Variants in CNTNAP2 observed in about 807,000 individuals in gnomAD.
The protein encoded by CNTNAP2 is contactin associated protein 2, also known as contactin-associated protein-like 2.
Under a neutral mutation model 155.2 loss-of-function variants are expected in CNTNAP2, and 98 were observed. The observed-to-expected ratio is 0.63, with a 90% CI of 0.54 to 0.75. The LOEUF is 0.75. Ranked by LOEUF, CNTNAP2 falls within the 30% of genes least tolerant of loss-of-function variation. The pLI is 0.00. For missense variants in CNTNAP2, 1,727 were observed against 1,688.1 expected, an observed-to-expected ratio of 1.02 and a Z score of -0.40; for synonymous variants, 651 against 631.2, an observed-to-expected ratio of 1.03 and a Z score of -0.47.
chr7:147,874,542 G>A (rs1324615705), intron 13 of CNTNAP2, among the ~76,000 whole-genome samples: 8 of 152,276 alleles, frequency 5.3e-5, no homozygotes, highest in African/African-American at 1.9e-4. Context: ...CACACAGCAG[G>A]GGGGCCCTGG....
intron 15 of CNTNAP2, among the ~76,000 whole-genome samples, chr7:148,045,333 T>C (rs1298025994): frequency 1.3e-5 from 2 of 148,334 alleles, no homozygotes; most frequent in East Asian, 2.0e-4. Flanking sequence ...GGGTGGGTGG[T>C]GGGGGGCGTT....
intron 1 of CNTNAP2, among the ~76,000 whole-genome samples, chr7:146,619,386 AAG>A: frequency 6.6e-6 from 1 of 152,232 alleles, no homozygotes; most frequent in African/African-American, 2.4e-5. Context: ...TACTTTACTA[AAG>A]AGAGGTGGGA....
intron 3 of CNTNAP2, among the ~76,000 whole-genome samples, chr7:146,969,179 T>C (rs570934228): frequency 6.6e-6 from 1 of 152,092 alleles, no homozygotes; most frequent in Non-Finnish European, 1.5e-5. Flanking sequence ...TGAGAGACAG[T>C]TTGTTATAAT....
intron 1 of CNTNAP2, among the ~76,000 whole-genome samples, chr7:146,370,353 G>C (rs555183470): frequency 6.7e-6 from 1 of 149,554 alleles, no homozygotes; most frequent in South Asian, 2.1e-4. Context: ...CAAGAGATTC[G>C]TTTGTACCCA....
intron 21 of CNTNAP2, among the ~76,000 whole-genome samples, chr7:148,274,580 A>T (rs982499514): frequency 7.3e-5 from 11 of 151,420 alleles, no homozygotes; most frequent in African/African-American, 2.7e-4. Flanking sequence ...AGTATGTAGC[A>T]CCTCCCCCCA....
intron 9 of CNTNAP2, among the ~76,000 whole-genome samples, chr7:147,372,961 G>T (rs1191288438): frequency 6.6e-6 from 1 of 151,950 alleles, no homozygotes; most frequent in African/African-American, 2.4e-5. Flanking sequence ...TTTCTTTGCT[G>T]ACCAAGCCCC....
chr7:146,177,016 G>T (rs1001396905), intron 1 of CNTNAP2, among the ~76,000 whole-genome samples: 1 of 152,064 alleles, frequency 6.6e-6, no homozygotes, highest in Admixed American at 6.6e-5. Flanking sequence ...TGCCTGAGAG[G>T]GTTAGAGATC....
intron 15 of CNTNAP2, among the ~76,000 whole-genome samples, chr7:148,116,332 C>A (rs1453279164): frequency 2.0e-5 from 3 of 152,088 alleles, no homozygotes; most frequent in Non-Finnish European, 4.4e-5. Flanking sequence ...GGGAAGCAAG[C>A]CAAATCCTCT....
At chr7:147,680,685 T>C (rs1332569663) in intron 13 of CNTNAP2, among the ~76,000 whole-genome samples, 2 of 151,920 alleles carry the variant, frequency 1.3e-5, no homozygotes, top group Admixed American at 1.3e-4. Flanking sequence ...ACTTTGCAAA[T>C]TTAAGCAAGC....
chr7:146,933,825 A>C (rs1402975108), intron 3 of CNTNAP2, among the ~76,000 whole-genome samples: 1 of 152,212 alleles, frequency 6.6e-6, no homozygotes, highest in African/African-American at 2.4e-5. Flanking sequence ...ATGCAGCCAA[A>C]AAGCACATGA....
intron 14 of CNTNAP2, among the ~76,000 whole-genome samples, chr7:147,953,107 AT>A (rs1331165581): frequency 6.6e-6 from 1 of 152,158 alleles, no homozygotes; most frequent in Non-Finnish European, 1.5e-5. Flanking sequence ...TGCCTCTCAA[AT>A]TTGATGAAGT....
Position 147,044,064 on chromosome 7 carries a change from G to C in CNTNAP2, c.550+10G>C, listed in dbSNP as rs776175685. ...TATGGCTGTTCTTACTGTGAGTATC[G>C]TATTGTTTAAATTTGTGGCAGGTTT... On this transcript the variant is annotated intron_variant, in intron 4 of 23. Coordinates refer to ENST00000361727, the MANE Select transcript of CNTNAP2 (RefSeq NM_014141.6). 2.5e-6 allele frequency: 4 copies of C among 1,613,880 alleles called. No individual in the cohort carries two copies. The highest frequency in any genetic ancestry group is 1.7e-5 in the Admixed American group (1 of 60,016).
chr7:148,077,271 C>T (rs917638218), intron 15 of CNTNAP2, among the ~76,000 whole-genome samples: 4 of 151,178 alleles, frequency 2.6e-5, no homozygotes, highest in African/African-American at 9.8e-5. Context: ...CACGCCATTG[C>T]ACTCCAGCCT....
intron 1 of CNTNAP2, among the ~76,000 whole-genome samples, chr7:146,316,269 A>G (rs1483309009): frequency 6.6e-6 from 1 of 152,038 alleles, no homozygotes; most frequent in East Asian, 1.9e-4. Flanking sequence ...TCTTCAAGTG[A>G]AAGAGATAAA....
intron 14 of CNTNAP2, among the ~76,000 whole-genome samples, chr7:147,957,277 G>A (rs887748740): frequency 1.3e-5 from 2 of 152,122 alleles, no homozygotes; most frequent in Non-Finnish European, 2.9e-5. Context: ...TTGTTTGTTT[G>A]TTTGTTTGTT....
intron 13 of CNTNAP2, among the ~76,000 whole-genome samples, chr7:147,784,033 C>T (rs1327877685): frequency 1.3e-5 from 2 of 152,080 alleles, no homozygotes; most frequent in African/African-American, 4.8e-5. Context: ...TGCTGGGAGC[C>T]CTTAGAGTTC....
chr7:146,699,259 G>A (rs375686922), intron 1 of CNTNAP2, among the ~76,000 whole-genome samples: 27 of 152,254 alleles, frequency 1.8e-4, no homozygotes, highest in Admixed American at 7.9e-4. Flanking sequence ...GATTTAAGCT[G>A]TGTCTACTAT....
At chr7:146,937,364 A>AAGAAAAAT (rs1554412071) in intron 3 of CNTNAP2, among the ~76,000 whole-genome samples, 1 of 147,286 alleles carries the variant, frequency 6.8e-6, no homozygotes, top group Non-Finnish European at 1.5e-5. Flanking sequence ...AAAAAAAAAT[A>AAGAAAAAT]AAAATAAAAT....
chr7:146,859,827 T>C (rs1795064677), intron 3 of CNTNAP2, among the ~76,000 whole-genome samples: 2 of 151,510 alleles, frequency 1.3e-5, no homozygotes, highest in Admixed American at 6.6e-5. Flanking sequence ...AGTGAGTAAA[T>C]AGAAGGAAAG....
Sources: allele counts gnomAD v4.1 joint callset (sites outside exome capture counted in the v4.1 genomes callset), GRCh38; gene constraint gnomAD v4.1.1; transcripts MANE v1.5; gene names NCBI Gene and HGNC (gene_info 2026-07-23, HGNC 2026-07-21).